SBF2: variants seen among roughly 807,000 people sequenced by gnomAD.
SBF2 encodes the protein SET binding factor 2.
A neutral mutation model predicts 225.2 loss-of-function variants in SBF2; 112 were observed. That is an observed-to-expected ratio of 0.50 (90% CI 0.43 to 0.58). The LOEUF is 0.58. SBF2 is among the 20% of genes least tolerant of loss of function. SBF2 has a pLI of 0.00. For missense variants in SBF2, 1,996 were observed against 2,206.2 expected (o/e 0.90, Z 1.91); for synonymous variants, 763 against 773.3 (o/e 0.99, Z 0.22).
chr11:9,874,551 G>A (rs1013069206), intron 17 of SBF2, among the ~76,000 whole-genome samples: 5 of 152,194 alleles, frequency 3.3e-5, no homozygotes, highest in African/African-American at 1.2e-4. Context: ...GACTCAAATT[G>A]TAGGATGCCT....
intron 16 of SBF2, among the ~76,000 whole-genome samples, chr11:9,946,859 A>C (rs967118836): frequency 3.3e-5 from 5 of 152,238 alleles, no homozygotes; most frequent in African/African-American, 1.2e-4. Context: ...AATTATCCAG[A>C]ATATTTGGAA....
chr11:10,296,528 C>A (rs556006335), upstream of SBF2, among the ~76,000 whole-genome samples: 142 of 152,234 alleles, frequency 9.3e-4, 1 homozygote, highest in African/African-American at 3.0e-3. Context: ...CGGATCCCTC[C>A]CATGACAGGT....
At chr11:9,990,543 G>C (rs1947383313) in intron 12 of SBF2, among the ~76,000 whole-genome samples, 1 of 152,130 alleles carries the variant, frequency 6.6e-6, no homozygotes, top group African/African-American at 2.4e-5. Context: ...AAATTATTTA[G>C]TTCTGATGGC....
intron 2 of SBF2, among the ~76,000 whole-genome samples, chr11:10,157,750 T>A (rs1483762713): frequency 6.6e-6 from 1 of 152,044 alleles, no homozygotes; most frequent in Non-Finnish European, 1.5e-5. Context: ...TGAAATCATA[T>A]CCCCCTGCCC....
At position 10,002,636 on chromosome 11, in the gene SBF2, G is replaced by A. The variant is rs1272152765; in HGVS notation, c.673C>T (p.Leu225Phe). ...FCAVLTENKV[L>F]FHSASFQRLS... is the part of the protein sequence containing the mutation. The stretch of plus-strand genomic sequence containing the variant: ...CTCTGGAAACTTGCAGAATGGAAGA[G>A]AACCTTATTTTCTGTGAGGACTGCA... Residue 225 changes from leucine (L) to phenylalanine (F), a missense_variant, in exon 7 of 40, where the codon CTC (leucine) becomes TTC (phenylalanine). Coordinates refer to ENST00000256190, the MANE Select transcript of SBF2 (RefSeq NM_030962.4). The A allele has an allele frequency of 6.2e-7, 1 of 1,612,720 alleles. No individual in the cohort carries two copies. Among genetic ancestry groups the A allele is most frequent in the Non-Finnish European group, 8.5e-7 (1 of 1,178,944 alleles).
intron 29 of SBF2, 60 bp downstream of exon 29, chr11:9,816,780 G>T (rs1854478887): frequency 1.3e-6 from 2 of 1,543,626 alleles, no homozygotes; most frequent in Non-Finnish European, 1.8e-6. Context: ...TGTGATACAG[G>T]TTTTATCAAC....
At chr11:9,789,075 G>A (rs767324943) in intron 35 of SBF2, 34 bp downstream of exon 35, 5 of 1,584,974 alleles carry the variant, frequency 3.2e-6, no homozygotes, top group African/African-American at 1.3e-5. Flanking sequence ...CAGGGCCCCT[G>A]GTGCCCCTAG....
intron 16 of SBF2, among the ~76,000 whole-genome samples, chr11:9,927,725 C>A (rs796197345): frequency 5.3e-5 from 8 of 152,152 alleles, no homozygotes; most frequent in African/African-American, 1.4e-4. Context: ...TGACAAAATA[C>A]CACATCAATT....
intron 32 of SBF2, among the ~76,000 whole-genome samples, chr11:9,802,657 CAG>C (rs1182651266): frequency 6.6e-6 from 1 of 152,130 alleles, no homozygotes; most frequent in Non-Finnish European, 1.5e-5. Flanking sequence ...TGGTAAAAGC[CAG>C]AGTCATGTAA....
At chr11:9,852,878 A>G (rs1857056690) in intron 20 of SBF2, 129 bp from the exon 21 acceptor site, 6 of 747,600 alleles carry the variant, frequency 8.0e-6, no homozygotes, top group South Asian at 7.2e-5. Context: ...GAGAATTACC[A>G]TTATGACCCA....
intron 32 of SBF2, 121 bp from the exon 33 acceptor site, chr11:9,796,078 C>G: frequency 1.0e-6 from 1 of 968,002 alleles, no homozygotes. Context: ...CAACAAATAC[C>G]TGAATCCCTA....
intron 17 of SBF2, among the ~76,000 whole-genome samples, chr11:9,861,140 A>G (rs1471515433): frequency 6.6e-6 from 1 of 152,214 alleles, no homozygotes; most frequent in Non-Finnish European, 1.5e-5. Context: ...AAATGCTCCA[A>G]TGAACATTTC....
intron 1 of SBF2, among the ~76,000 whole-genome samples, chr11:10,291,881 C>T (rs1257044764): frequency 4.6e-5 from 7 of 152,190 alleles, no homozygotes; most frequent in African/African-American, 1.7e-4. Flanking sequence ...TGAAATTGTG[C>T]ACCACCTGAC....
intron 1 of SBF2, among the ~76,000 whole-genome samples, chr11:10,246,202 T>C (rs1474760052): frequency 1.3e-5 from 2 of 152,246 alleles, no homozygotes; most frequent in African/African-American, 4.8e-5. Flanking sequence ...GCATACACTG[T>C]AGTGACGCTT....
chr11:10,239,096 T>C lies in SBF2; in HGVS notation c.56-45109A>G, dbSNP rs1039001516. The stretch of plus-strand genomic sequence containing the variant: ...TATATACATGTATAATATATGTATA[T>C]TAACATAAACGTGTGTATATGTGTG... On this transcript the variant is annotated intron_variant, in intron 1 of 39. Coordinates refer to ENST00000256190, the MANE Select transcript of SBF2 (RefSeq NM_030962.4). 2.7e-5 allele frequency among the ~76,000 whole-genome samples: 4 copies of C among 150,692 alleles called. 1 individual carries two copies. Among genetic ancestry groups the C allele is most frequent in the Non-Finnish European group, 5.9e-5 (4 of 67,456 alleles).
chr11:10,189,359 T>C (rs1268703319), intron 2 of SBF2, among the ~76,000 whole-genome samples: 2 of 152,200 alleles, frequency 1.3e-5, no homozygotes, highest in Admixed American at 6.5e-5. Flanking sequence ...GAGAAAAGTC[T>C]CTTCTAACCA....
chr11:9,847,201 G>C, intron 22 of SBF2, 118 bp from the exon 23 acceptor site: 1 of 1,258,058 alleles, frequency 7.9e-7, no homozygotes, highest in Non-Finnish European at 1.2e-6. Context: ...ACACTGCCCA[G>C]GGATGCAGTG....
intron 2 of SBF2, among the ~76,000 whole-genome samples, chr11:10,080,079 C>T (rs1951298889): frequency 6.6e-6 from 1 of 151,798 alleles, no homozygotes; most frequent in African/African-American, 2.4e-5. Context: ...GAAACCCTGT[C>T]TCTACTAAAA....
Position 10,110,426 on chromosome 11 carries a change from T to G in SBF2, c.142-67445A>C, listed in dbSNP as rs567275973. Among the ~76,000 whole-genome samples, 491 of 152,270 alleles carry G rather than the reference T, an allele frequency of 3.2e-3. 3 individuals carry two copies. Among genetic ancestry groups the G allele is most frequent in the Non-Finnish European group, 3.9e-3 (262 of 67,994 alleles). On this transcript the variant is annotated intron_variant, in intron 2 of 39. Transcript: ENST00000256190. ...TAAAACAATTTTTGCTTTCACATTA[T>G]TTGCAAATTAAAGAGAAAAAGTATT...
Sources: allele counts gnomAD v4.1 joint callset (sites outside exome capture counted in the v4.1 genomes callset), GRCh38; gene constraint gnomAD v4.1.1; transcripts MANE v1.5; gene names NCBI Gene and HGNC (gene_info 2026-07-23, HGNC 2026-07-21).